Variants in PKN2 observed in about 807,000 individuals in gnomAD.
The protein encoded by PKN2 is protein kinase N2.
A neutral mutation model predicts 119.1 loss-of-function variants in PKN2; 38 were observed. The ratio of observed to expected loss-of-function variants is 0.32; its 90% CI spans 0.25 to 0.42. The LOEUF is 0.42. Among genes scored for constraint, PKN2 ranks in the 10% least tolerant of loss-of-function variants. The probability of loss-of-function intolerance (pLI) is 1.00; values close to 1 mark genes in which losing one functional copy is unlikely to be tolerated. For missense variants in PKN2, 850 were observed against 1,165.1 expected, an observed-to-expected ratio of 0.73 and a Z score of 3.94; for synonymous variants, 390 against 384.9, an observed-to-expected ratio of 1.01 and a Z score of -0.15.
At chr1:88,817,379 C>T (rs926912750) in intron 16 of PKN2, among the ~76,000 whole-genome samples, 1 of 149,426 alleles carries the variant, frequency 6.7e-6, no homozygotes, top group African/African-American at 2.5e-5. Context: ...CACTGCACTC[C>T]AGCCTGGCGA....
At chr1:88,782,788 A>G (rs1670400006) in intron 6 of PKN2, among the ~76,000 whole-genome samples, 1 of 152,208 alleles carries the variant, frequency 6.6e-6, no homozygotes, top group Admixed American at 6.5e-5. Flanking sequence ...CTAAGCTTGT[A>G]ATAATTTGTA....
intron 1 of PKN2, among the ~76,000 whole-genome samples, chr1:88,712,080 T>C (rs1570513561): frequency 6.6e-6 from 1 of 152,228 alleles, no homozygotes; most frequent in Admixed American, 6.5e-5. Context: ...TTTAAAAAAT[T>C]ATTTTTGTTT....
chr1:88,770,885 C>CTT (rs67908637), intron 4 of PKN2, among the ~76,000 whole-genome samples: 3 of 141,394 alleles, frequency 2.1e-5, no homozygotes, highest in Non-Finnish European at 4.6e-5. Flanking sequence ...GCGCCCGGCC[C>CTT]TTTTTTTTTT....
At position 88,792,673 on chromosome 1, in the gene PKN2, C is replaced by T. The variant is rs577728004; in HGVS notation, c.1281+6460C>T. ...AAAAATACAAGGTTTTTGTGCCTGC[C>T]GTCTTAGCTGCAGCAGCAGCTTCAG... On this transcript the variant is annotated intron_variant, in intron 8 of 21. Transcript: ENST00000370521. Among the ~76,000 whole-genome samples the T allele has an allele frequency of 1.3e-4, 20 of 152,258 alleles. 2 individuals are homozygous for T. In the South Asian group the frequency reaches 2.1e-3, roughly 16 times the overall value.
chr1:88,764,314 T>C (rs1310511589), intron 3 of PKN2, among the ~76,000 whole-genome samples: 1 of 152,238 alleles, frequency 6.6e-6, no homozygotes, highest in African/African-American at 2.4e-5. Flanking sequence ...AGTCATCTAC[T>C]TGGATGCTAC....
At chr1:88,804,291 TTATTG>T in intron 8 of PKN2, 95 bp from the exon 9 acceptor site, 2 of 937,758 alleles carry the variant, frequency 2.1e-6, no homozygotes, top group Admixed American at 2.8e-5. Flanking sequence ...TAATTTTTGT[TTATTG>T]TATTTGTATT....
At chr1:88,782,934 G>A (rs890828382) in intron 6 of PKN2, among the ~76,000 whole-genome samples, 3 of 152,106 alleles carry the variant, frequency 2.0e-5, no homozygotes, top group Non-Finnish European at 4.4e-5. Flanking sequence ...ACAGTTACTT[G>A]GAAACAATAT....
intron 1 of PKN2, among the ~76,000 whole-genome samples, chr1:88,689,350 T>C (rs1666241326): frequency 6.6e-6 from 1 of 152,202 alleles, no homozygotes; most frequent in Admixed American, 6.5e-5. Context: ...CTCATTTTAC[T>C]TACTAGAATT....
chr1:88,816,310 C>A (rs984700348), intron 16 of PKN2, among the ~76,000 whole-genome samples: 2 of 151,918 alleles, frequency 1.3e-5, no homozygotes, highest in African/African-American at 4.8e-5. Context: ...GCAGTGGCAC[C>A]GTCTTGGCTC....
At chr1:88,723,494 T>G (rs965444851) in intron 1 of PKN2, among the ~76,000 whole-genome samples, 3 of 147,882 alleles carry the variant, frequency 2.0e-5, no homozygotes, top group African/African-American at 7.4e-5. Flanking sequence ...CGGTCTCGGC[T>G]CACTGCAACC....
rs772798795 is a variant in PKN2, at chr1:88,807,791, T to C, written c.2102+16T>C. 10 of 1,402,746 alleles carry C rather than the reference T, an allele frequency of 7.1e-6. No homozygotes were observed. The highest frequency in any genetic ancestry group is 6.3e-5 in the South Asian group (5 of 79,066). The allele number at this position is 1,402,746 out of a possible 1,614,324, so 86.9% of individuals were successfully genotyped here. On this transcript the variant is annotated intron_variant, in intron 15 of 21. Transcript: ENST00000370521. ...AAGTAGACAGGTTAGTTTTTAAAAA[T>C]GAAATTGTTTATTTTTCTGAATTTG...
chr1:88,801,679 TAGAAAC>T (rs1373057256), intron 8 of PKN2, among the ~76,000 whole-genome samples: 1 of 152,164 alleles, frequency 6.6e-6, no homozygotes. Flanking sequence ...TGTAAAATGT[TAGAAAC>T]AGATAATCGG....
rs573098001 is a variant in PKN2, at chr1:88,807,836, T to C, written c.2102+61T>C. 79 of 945,128 alleles carry C rather than the reference T, an allele frequency of 8.4e-5. 1 individual carries two copies. The East Asian group carries it at 1.7e-3, about 20-fold the overall frequency. 58.5% of individuals were successfully genotyped at this position (945,128 alleles called of 1,614,324 possible). A position where few individuals can be genotyped will look rare whatever the true frequency, so the allele number is the denominator to read the frequency against. On this transcript the variant is annotated intron_variant, in intron 15 of 21. Coordinates refer to ENST00000370521, the MANE Select transcript of PKN2 (RefSeq NM_006256.4). ...AATTTGTAAGTTAAGAGAAATGATATATGTATTACAACAGCAAAACTTTAT... is the reference window on the plus strand; with the variant it reads ...AATTTGTAAGTTAAGAGAAATGATACATGTATTACAACAGCAAAACTTTAT...
intron 6 of PKN2, among the ~76,000 whole-genome samples, chr1:88,779,212 GGTAAGT>G (rs1670229516): frequency 9.1e-6 from 1 of 109,480 alleles, no homozygotes; most frequent in Non-Finnish European, 2.1e-5. Flanking sequence ...ATGAGGCAAA[GGTAAGT>G]GAAAACTCCA....
At chr1:88,824,249 G>A in intron 17 of PKN2, 61 bp from the exon 18 acceptor site, 1 of 837,684 alleles carries the variant, frequency 1.2e-6, no homozygotes, top group Non-Finnish European at 2.0e-6. Flanking sequence ...TTTTTTAACT[G>A]TATAACCTAC....
intron 1 of PKN2, among the ~76,000 whole-genome samples, chr1:88,721,837 CTG>C (rs1182746997): frequency 6.6e-6 from 1 of 152,192 alleles, no homozygotes; most frequent in Non-Finnish European, 1.5e-5. Flanking sequence ...CCTCAGGAAT[CTG>C]TGAACCTCAT....
chr1:88,828,559 C>G lies in PKN2; in HGVS notation c.2498C>G (p.Ser833Cys), dbSNP rs747812169. 2 of 1,613,400 alleles carry G rather than the reference C, an allele frequency of 1.2e-6. No individual in the cohort carries two copies. The highest frequency in any genetic ancestry group is 1.1e-5 in the South Asian group (1 of 91,064). ...FLAPEVLTET[S>C]YTRAVDWWGL... ...GCCCCAGAAGTATTAACAGAAACTT[C>G]TTATACAAGGGCTGTAGATTGGTGG... The change falls in exon 19 of 22, where the codon TCT becomes TGT. Residue 833 changes from serine (S) to cysteine (C), a missense_variant. Physicochemically the swap from Ser to Cys is moderately radical, Grantham distance 112 (BLOSUM62 -1). This residue lies in a region of PKN2 where 95 missense variants were observed against 150.2 expected (regional missense o/e 0.63). Coordinates refer to ENST00000370521, the MANE Select transcript of PKN2 (RefSeq NM_006256.4).
chr1:88,830,998 G>A (rs1672707890), intron 19 of PKN2, among the ~76,000 whole-genome samples: 1 of 151,952 alleles, frequency 6.6e-6, no homozygotes, highest in Admixed American at 6.6e-5. Flanking sequence ...TATTATACAT[G>A]TTCAGATTTG....
intron 1 of PKN2, among the ~76,000 whole-genome samples, chr1:88,695,414 A>G (rs889162819): frequency 6.6e-6 from 1 of 151,940 alleles, no homozygotes; most frequent in Non-Finnish European, 1.5e-5. Flanking sequence ...CTTTTTCCTT[A>G]TTATATCAAT....
Sources: allele counts gnomAD v4.1 joint callset (sites outside exome capture counted in the v4.1 genomes callset), GRCh38; gene constraint gnomAD v4.1.1; regional missense constraint gnomAD v4.1.1; transcripts MANE v1.5; gene names NCBI Gene and HGNC (gene_info 2026-07-23, HGNC 2026-07-21).